Variants in DBF4B observed in about 807,000 individuals in gnomAD.
DBF4B encodes the protein protein DBF4 homolog B.
In DBF4B, 49 loss-of-function variants were observed where a neutral mutation model predicts 53.4. The ratio of observed to expected loss-of-function variants is 0.92; its 90% CI spans 0.73 to 1.16. DBF4B has a LOEUF of 1.16. Ranked by LOEUF, DBF4B falls within the 50% of genes most tolerant of loss-of-function variation. The pLI, the probability that DBF4B is intolerant of heterozygous loss-of-function variation, is 0.00. For missense variants in DBF4B, 692 were observed against 775.0 expected (o/e 0.89, Z 1.27); for synonymous variants, 257 against 288.7 (o/e 0.89, Z 1.11).
Position 44,732,640 on chromosome 17 carries a change from G to A in DBF4B, c.556+375G>A, listed in dbSNP as rs375698064. 3 of 177,712 alleles carry A rather than the reference G, an allele frequency of 1.7e-5. No individual in the cohort carries two copies. The South Asian group carries it at 3.6e-4, about 21-fold the overall frequency. The allele number at this position is 177,712 out of a possible 1,614,324, so 11.0% of individuals were successfully genotyped here. On this transcript the variant is annotated intron_variant, in intron 6 of 13. Coordinates refer to ENST00000315005, the MANE Select transcript of DBF4B (RefSeq NM_145663.3). ...CCCAGCACTTTGGGAGGCCAAGGCGGGTGGATCACAAGGTCAAGAGTTCGA... is the reference window on the plus strand; with the variant it reads ...CCCAGCACTTTGGGAGGCCAAGGCGAGTGGATCACAAGGTCAAGAGTTCGA...
At chr17:44,720,815 A>G (rs1359828729) in intron 2 of DBF4B, among the ~76,000 whole-genome samples, 1 of 151,164 alleles carries the variant, frequency 6.6e-6, no homozygotes, top group Admixed American at 6.6e-5. Flanking sequence ...CCAGAAGTAT[A>G]TGAGGGTTCC....
intron 9 of DBF4B, among the ~76,000 whole-genome samples, chr17:44,739,227 G>A (rs1567667526): frequency 6.6e-6 from 1 of 152,214 alleles, no homozygotes; most frequent in Non-Finnish European, 1.5e-5. Flanking sequence ...GATCGAAAGT[G>A]TATGTGAATC....
Position 44,751,257 on chromosome 17 carries a change from T to C in DBF4B, c.*4T>C, listed in dbSNP as rs764983772. Reference sequence around the variant, plus strand: ...CCTGGCTGTAGACTCAGGTTAGAGGTGAACCCAGAACACCTGAGACTTGAC... The same window carrying C: ...CCTGGCTGTAGACTCAGGTTAGAGGCGAACCCAGAACACCTGAGACTTGAC... On this transcript the variant is annotated 3_prime_UTR_variant, in exon 14 of 14. Transcript: ENST00000315005. The C allele has an allele frequency of 5.0e-6, 8 of 1,609,868 alleles. No individual in the cohort carries two copies. Among genetic ancestry groups the C allele is most frequent in the Middle Eastern group, 1.7e-4 (1 of 6,048 alleles).
rs1309753487 is a variant in DBF4B at position 44,708,729 on chromosome 17, CTG to C, written c.-89_-88del. 2.7e-6 allele frequency: 4 copies of C among 1,465,170 alleles called. No homozygotes were observed. In the Admixed American group the frequency reaches 6.5e-5, roughly 24 times the overall value. 90.8% of individuals were successfully genotyped at this position (1,465,170 alleles called of 1,614,324 possible). On this transcript the variant is annotated 5_prime_UTR_variant, in exon 1 of 14. Transcript: ENST00000315005. ...TGTAGCTGCCCTGAGATAACCAGGA[CTG>C]TGGAATCGGGAAGAGCTCATGGAGC...
At chr17:44,729,716 ACACACACACACC>A (rs1211073862) in intron 3 of DBF4B, among the ~76,000 whole-genome samples, 177 bp from the exon 4 acceptor site, 95 of 141,754 alleles carry the variant, frequency 6.7e-4, no homozygotes, top group African/African-American at 2.3e-3. Context: ...ACACACACAC[ACACACACACACC>A]CCATTAGATT....
At chr17:44,750,293 T>C in intron 13 of DBF4B, 1 of 1,144,104 alleles carries the variant, frequency 8.7e-7, no homozygotes, top group Non-Finnish European at 1.1e-6. Context: ...CTTCTCACCC[T>C]TCTCTGCGTC....
intron 12 of DBF4B, 139 bp downstream of exon 12, chr17:44,747,654 C>T: frequency 8.2e-7 from 1 of 1,226,566 alleles, no homozygotes; most frequent in South Asian, 1.6e-5. Context: ...TTCCCCTTAT[C>T]CTCAGTCCTG....
chr17:44,751,587 T>C lies in DBF4B; in HGVS notation c.*334T>C, dbSNP rs890624688. 3.1e-5 allele frequency: 42 copies of C among 1,335,396 alleles called. No homozygotes were observed. Among genetic ancestry groups the C allele is most frequent in the Non-Finnish European group, 4.0e-5 (42 of 1,043,428 alleles). 82.7% of individuals were successfully genotyped at this position (1,335,396 alleles called of 1,614,324 possible). A position where few individuals can be genotyped will look rare whatever the true frequency, so the allele number is the denominator to read the frequency against. ...GCCACCTTTCCCCTCTGCCCCAAAA[T>C]GCCATGCTCCTCTCCTGGAAAACAC... is the stretch of plus-strand genomic sequence containing the variant. On this transcript the variant is annotated 3_prime_UTR_variant, in exon 14 of 14. Transcript: ENST00000315005.
chr17:44,717,505 G>A (rs1973428806), intron 2 of DBF4B, among the ~76,000 whole-genome samples: 1 of 150,624 alleles, frequency 6.6e-6, no homozygotes, highest in Non-Finnish European at 1.5e-5. Context: ...CTAGGATTTC[G>A]AGACCAGCCT....
At chr17:44,711,964 G>A (rs1439708540) in intron 2 of DBF4B, among the ~76,000 whole-genome samples, 1 of 151,708 alleles carries the variant, frequency 6.6e-6, no homozygotes, top group Non-Finnish European at 1.5e-5. Flanking sequence ...TGGCGTGGTG[G>A]CAGGCTCCTA....
At chr17:44,744,779 C>G (rs1387216419) in intron 10 of DBF4B, among the ~76,000 whole-genome samples, 1 of 152,160 alleles carries the variant, frequency 6.6e-6, no homozygotes, top group Non-Finnish European at 1.5e-5. Context: ...AGATTAAAAA[C>G]TGTATCTCAG....
intron 9 of DBF4B, among the ~76,000 whole-genome samples, chr17:44,741,097 T>C (rs1190303704): frequency 1.3e-5 from 2 of 151,060 alleles, no homozygotes; most frequent in South Asian, 2.1e-4. Context: ...ATCGCGCCAC[T>C]GCACTCCAGC....
In DBF4B at chr17:44,744,570, T is replaced by C. The variant is rs1343960261; in HGVS notation, c.831-2513T>C. 1.3e-5 allele frequency among the ~76,000 whole-genome samples: 2 copies of C among 152,222 alleles called. 1 individual carries two copies. On this transcript the variant is annotated intron_variant, in intron 10 of 13. Coordinates refer to ENST00000315005, the MANE Select transcript of DBF4B (RefSeq NM_145663.3). The stretch of plus-strand genomic sequence containing the variant: ...ATGTTCAGAGTAAATTTGCAATTGC[T>C]CATTTGTGGAATAAATTCCTAAAGG...
chr17:44,717,897 GGTGCAT>G (rs1409719585), intron 2 of DBF4B, among the ~76,000 whole-genome samples: 1 of 151,566 alleles, frequency 6.6e-6, no homozygotes, highest in Non-Finnish European at 1.5e-5. Context: ...GTGACATGGT[GGTGCAT>G]GTGATCCCAG....
chr17:44,722,680 T>G (rs1973952348), intron 2 of DBF4B, among the ~76,000 whole-genome samples, 200 bp from the exon 3 acceptor site: 1 of 152,238 alleles, frequency 6.6e-6, no homozygotes. Flanking sequence ...CCTTGTTTGC[T>G]TATTATCTTG....
chr17:44,718,746 T>C (rs1973562572), intron 2 of DBF4B: 1 of 151,988 alleles, frequency 6.6e-6, no homozygotes, highest in Non-Finnish European at 1.5e-5. Context: ...CTTCTGTAAT[T>C]AATAACTATC....
Position 44,726,292 on chromosome 17 carries a change from T to TTTTATGTATGTATTTA in DBF4B, c.225+3275_225+3276insGTATGTATTTATTTAT, listed in dbSNP as rs1555676225. Among the ~76,000 whole-genome samples the TTTTATGTATGTATTTA allele has an allele frequency of 5.3e-5, 7 of 132,090 alleles. No individual in the cohort carries two copies. The South Asian group carries it at 1.8e-3, about 33-fold the overall frequency. The allele number at this position is 132,090 out of a possible 152,430, so 86.7% of individuals were successfully genotyped here. A position where few individuals can be genotyped will look rare whatever the true frequency, so the allele number is the denominator to read the frequency against. On this transcript the variant is annotated intron_variant, in intron 3 of 13. Transcript: ENST00000315005. Reference sequence around the variant, plus strand: ...GTGTGAGCCATCGCACCCGGCCCTTTTTTATTTATTTATTTATTTATTTAT... The same window carrying TTTTATGTATGTATTTA: ...GTGTGAGCCATCGCACCCGGCCCTTTTTTATGTATGTATTTATTTATTTATTTATTTATTTATTTAT...
intron 8 of DBF4B, among the ~76,000 whole-genome samples, chr17:44,738,177 C>G (rs977700803): frequency 3.3e-5 from 5 of 152,252 alleles, no homozygotes; most frequent in African/African-American, 1.2e-4. Flanking sequence ...GCCTATCCCC[C>G]CACTGGTGCA....
intron 7 of DBF4B, among the ~76,000 whole-genome samples, chr17:44,736,328 C>A (rs1975428970): frequency 6.6e-6 from 1 of 152,096 alleles, no homozygotes; most frequent in African/African-American, 2.4e-5. Flanking sequence ...TTGGCTTAAA[C>A]ATTGATTTTG....
Sources: gnomAD v4.1 joint callset for allele counts (sites outside exome capture counted in the v4.1 genomes callset) on GRCh38, gnomAD v4.1.1 for gene constraint, MANE v1.5 for transcripts, NCBI Gene and HGNC (gene_info 2026-07-23, HGNC 2026-07-21) for gene names.